NPSR1: variants seen among roughly 807,000 people sequenced by gnomAD.
NPSR1 encodes neuropeptide S receptor.
Under a neutral mutation model 46.9 loss-of-function variants are expected in NPSR1, and 48 were observed. That is an observed-to-expected ratio of 1.02 (90% CI 0.81 to 1.30). The LOEUF is 1.30. Ranked by LOEUF, NPSR1 falls within the 50% of genes most tolerant of loss-of-function variation. The pLI is 0.00. For missense variants in NPSR1, 450 were observed against 449.5 expected, an observed-to-expected ratio of 1.00 and a Z score of -0.01; for synonymous variants, 176 against 168.1, an observed-to-expected ratio of 1.05 and a Z score of -0.36.
intron 2 of NPSR1, among the ~76,000 whole-genome samples, chr7:34,701,392 G>C (rs546331429): frequency 2.0e-5 from 3 of 152,190 alleles, no homozygotes; most frequent in African/African-American, 7.2e-5. Context: ...ATCTCCCATT[G>C]ATTCTTCTAA....
intron 2 of NPSR1, chr7:34,751,971 G>C (rs1785560473): frequency 2.0e-6 from 2 of 992,778 alleles, no homozygotes; most frequent in Non-Finnish European, 3.2e-6. Context: ...GCCCAGAGAA[G>C]TCTTTCTACT....
At position 34,778,502 on chromosome 7, in the gene NPSR1, T is replaced by C. The variant is rs754732867; in HGVS notation, c.321T>C (p.Asn107=). ...TGLVNILTDI[N]WRFTGDFTAP... ...TGGTCAACATCTTGACAGATATTAA[T>C]TGGCGATTCACTGGAGACTTCACGG... Residue 107 remains asparagine, a synonymous_variant, in exon 3 of 9, where the codon AAT becomes AAC. Coordinates refer to ENST00000360581, the MANE Select transcript of NPSR1 (RefSeq NM_207172.2). 5.0e-6 allele frequency: 8 copies of C among 1,612,820 alleles called. No homozygotes were observed. Among genetic ancestry groups the C allele is most frequent in the South Asian group, 3.3e-5 (3 of 91,022 alleles).
At chr7:34,781,860 G>A (rs62462893) in intron 3 of NPSR1, among the ~76,000 whole-genome samples, 18,961 of 152,186 alleles carry the variant, frequency 0.12, 1,473 homozygotes, top group Non-Finnish European at 0.17. Flanking sequence ...CCAAGCCCCA[G>A]TGTTAAACTC....
chr7:34,852,849 A>T (rs1157747603), downstream of NPSR1, among the ~76,000 whole-genome samples: 1 of 152,176 alleles, frequency 6.6e-6, no homozygotes, highest in Admixed American at 6.5e-5. Flanking sequence ...ACAGGAGAAA[A>T]TTTAGGAGAG....
chr7:34,675,841 T>C (rs1792287045), intron 1 of NPSR1, among the ~76,000 whole-genome samples: 1 of 152,264 alleles, frequency 6.6e-6, no homozygotes, highest in African/African-American at 2.4e-5. Context: ...AACCATGTAA[T>C]TGAGCTGAGA....
At chr7:34,758,758 T>C (rs1202551818) in intron 2 of NPSR1, among the ~76,000 whole-genome samples, 2 of 152,216 alleles carry the variant, frequency 1.3e-5, no homozygotes, top group African/African-American at 2.4e-5. Context: ...TATCCATCCA[T>C]CTAAAAATGT....
chr7:34,869,578 T>C (rs1019019783), intron 8 of NPSR1, among the ~76,000 whole-genome samples: 1 of 151,890 alleles, frequency 6.6e-6, no homozygotes, highest in African/African-American at 2.4e-5. Flanking sequence ...CCTCTAGCAA[T>C]GTTCCCGGAC....
At chr7:34,758,215 A>G (rs1398664225) in intron 2 of NPSR1, 2 of 152,514 alleles carry the variant, frequency 1.3e-5, no homozygotes, top group East Asian at 1.9e-4. Context: ...GGCACTTTGT[A>G]TGTGTTATCT....
intron 2 of NPSR1, among the ~76,000 whole-genome samples, chr7:34,745,743 G>T (rs1412193639): frequency 6.6e-6 from 1 of 152,112 alleles, no homozygotes; most frequent in Non-Finnish European, 1.5e-5. Context: ...TAAACTCCTG[G>T]TCACAAACAG....
At chr7:34,854,528 TA>T (rs141954212), downstream of NPSR1, among the ~76,000 whole-genome samples, 1,358 of 152,314 alleles carry the variant, frequency 8.9e-3, 24 homozygotes, top group African/African-American at 0.031. Flanking sequence ...TAATAAAGAC[TA>T]AATACCTTTT....
At chr7:34,735,999 G>C (rs1420354769) in intron 2 of NPSR1, among the ~76,000 whole-genome samples, 2 of 152,176 alleles carry the variant, frequency 1.3e-5, no homozygotes, top group Non-Finnish European at 2.9e-5. Context: ...TCACATTAAA[G>C]ACAGGGATGA....
chr7:34,827,585 C>A lies in NPSR1; in HGVS notation c.663C>A (p.Ile221=), dbSNP rs745482675. 3.0e-5 allele frequency: 48 copies of A among 1,609,650 alleles called. No individual in the cohort carries two copies. In the Middle Eastern group the frequency reaches 6.7e-4, roughly 23 times the overall value. Residue 221 remains isoleucine, a synonymous_variant, in exon 5 of 9, where the codon ATC becomes ATA. Transcript: ENST00000360581. The stretch of plus-strand genomic sequence containing the variant: ...TCGTGGCCTTCCTGGTGTACTTCAT[C>A]CCTCTGACAATCATCAGGTAAGAAG... ...MTIVAFLVYF[I]PLTIISIMYG...
intron 1 of NPSR1, among the ~76,000 whole-genome samples, chr7:34,679,484 A>G (rs1792502780): frequency 6.9e-6 from 1 of 144,356 alleles, no homozygotes; most frequent in Non-Finnish European, 1.5e-5. Context: ...AAGAACAGTA[A>G]GCCCTCACTT....
Position 34,684,659 on chromosome 7 carries a change from C to T in NPSR1, c.255C>T (p.Phe85=). 1 of 1,612,706 alleles carries T rather than the reference C, an allele frequency of 6.2e-7. No homozygotes were observed. Among genetic ancestry groups the T allele is most frequent in the Non-Finnish European group, 8.5e-7 (1 of 1,179,488 alleles). Residue 85 remains phenylalanine (F), a synonymous_variant, in exon 2 of 9, where the codon TTC becomes TTT. Transcript: ENST00000360581. The part of the protein sequence containing the change: ...WRRKKKSRMT[F]FVTQLAITDS... ...GAAAGAAGAAGTCAAGAATGACCTT[C>T]TTTGTGACTCAGCTGGCCATCACAG...
At chr7:34,727,942 G>A (rs35724541) in intron 2 of NPSR1, among the ~76,000 whole-genome samples, 1,670 of 151,712 alleles carry the variant, frequency 0.011, 31 homozygotes, top group African/African-American at 0.038. Flanking sequence ...CCTGATGATA[G>A]GAAAGAGTGC....
chr7:34,878,215 G>C (rs367688058), exon 9 of NPSR1: 4 of 1,271,198 alleles, frequency 3.1e-6, no homozygotes, highest in Non-Finnish European at 4.5e-6. Context: ...AGGTGGCCCT[G>C]TGCCTGGTGC....
intron 2 of NPSR1, among the ~76,000 whole-genome samples, chr7:34,712,654 C>A (rs1280480104): frequency 6.6e-6 from 1 of 152,124 alleles, no homozygotes; most frequent in East Asian, 1.9e-4. Context: ...ACTGGATCAT[C>A]CCTGAAATCC....
chr7:34,684,615 C>CT lies in NPSR1; in HGVS notation c.217dup (p.Ser73PhefsTer35). 6.2e-7 allele frequency: 1 copy of CT among 1,613,590 alleles called. No homozygotes were observed. The highest frequency in any genetic ancestry group is 8.5e-7 in the Non-Finnish European group (1 of 1,179,714). The stretch of plus-strand genomic sequence containing the variant: ...TACCATTGTTGGAAACTCCGTTGTG[C>CT]TTTTTTCCACATGGAGGAGAAAGAA... On this transcript the variant is annotated frameshift_variant, in exon 2 of 9. Transcript: ENST00000360581. LOFTEE classifies it high-confidence loss of function.
intron 2 of NPSR1, among the ~76,000 whole-genome samples, chr7:34,738,314 G>C (rs553744146): frequency 2.0e-5 from 3 of 152,270 alleles, no homozygotes; most frequent in African/African-American, 7.2e-5. Context: ...AAAACAATCT[G>C]GGCCTGATGC....
Sources: gnomAD v4.1 joint callset for allele counts (sites outside exome capture counted in the v4.1 genomes callset) on GRCh38, gnomAD v4.1.1 for gene constraint, MANE v1.5 for transcripts, NCBI Gene and HGNC (gene_info 2026-07-23, HGNC 2026-07-21) for gene names.